ADAMTS18: variants seen among roughly 807,000 people sequenced by gnomAD.
ADAMTS18 encodes ADAM metallopeptidase with thrombospondin type 1 motif 18, also known as A disintegrin and metalloproteinase with thrombospondin motifs 18.
ADAMTS18 carries 157 observed loss-of-function variants against 165.9 expected under a neutral mutation model. That is an observed-to-expected ratio of 0.95 (90% CI 0.83 to 1.08). The LOEUF is 1.08. Ranked by LOEUF, ADAMTS18 falls within the 50% of genes least tolerant of loss-of-function variation. The pLI, the probability that ADAMTS18 is intolerant of heterozygous loss-of-function variation, is 0.00. For missense variants in ADAMTS18, 2,040 were observed against 1,534.0 expected, an observed-to-expected ratio of 1.33 and a Z score of -5.51; for synonymous variants, 782 against 578.2, an observed-to-expected ratio of 1.35 and a Z score of -5.06.
chr16:77,320,953 A>C, intron 15 of ADAMTS18, 126 bp downstream of exon 15: 2 of 1,222,042 alleles, frequency 1.6e-6, no homozygotes, highest in Non-Finnish European at 2.4e-6. Context: ...CACAAGTGAA[A>C]AATGCCACCA....
At chr16:77,423,017 T>C (rs2057623770) in intron 3 of ADAMTS18, among the ~76,000 whole-genome samples, 1 of 152,212 alleles carries the variant, frequency 6.6e-6, no homozygotes, top group African/African-American at 2.4e-5. Flanking sequence ...GAAGCTTTTC[T>C]TTCCTTTATT....
At chr16:77,373,940 A>G (rs941960149) in intron 3 of ADAMTS18, among the ~76,000 whole-genome samples, 8 of 152,078 alleles carry the variant, frequency 5.3e-5, no homozygotes, top group Admixed American at 2.0e-4. Flanking sequence ...TTCTCCAGGC[A>G]GGGCATGGTG....
intron 3 of ADAMTS18, among the ~76,000 whole-genome samples, chr16:77,412,823 A>G (rs967005465): frequency 6.6e-6 from 1 of 152,086 alleles, no homozygotes; most frequent in Non-Finnish European, 1.5e-5. Context: ...CACAACACAT[A>G]GAAATTATGG....
At chr16:77,300,218 T>G in intron 17 of ADAMTS18, 45 bp downstream of exon 17, 1 of 1,612,354 alleles carries the variant, frequency 6.2e-7, no homozygotes. Context: ...AAGAACCTGT[T>G]TTAAGAGAGA....
At chr16:77,305,834 T>C (rs913287327) in intron 16 of ADAMTS18, among the ~76,000 whole-genome samples, 1 of 152,186 alleles carries the variant, frequency 6.6e-6, no homozygotes, top group African/African-American at 2.4e-5. Flanking sequence ...CCACCTAAGA[T>C]GCTAACTTCC....
chr16:77,407,282 G>C (rs10781983), intron 3 of ADAMTS18, among the ~76,000 whole-genome samples: 8 of 151,700 alleles, frequency 5.3e-5, no homozygotes, highest in African/African-American at 1.7e-4. Context: ...AACAATCTAA[G>C]AATGAGCAAG....
At chr16:77,364,889 T>A (rs1014623245) in intron 4 of ADAMTS18, among the ~76,000 whole-genome samples, 1 of 152,058 alleles carries the variant, frequency 6.6e-6, no homozygotes, top group African/African-American at 2.4e-5. Flanking sequence ...GTGGATCACT[T>A]GAGGTCAGGA....
chr16:77,371,674 G>C (rs1256431955), intron 3 of ADAMTS18, among the ~76,000 whole-genome samples: 1 of 152,146 alleles, frequency 6.6e-6, no homozygotes, highest in East Asian at 1.9e-4. Flanking sequence ...ACTACTAGAA[G>C]AAAACATAGG....
intron 22 of ADAMTS18, among the ~76,000 whole-genome samples, chr16:77,285,305 T>C (rs1292725976): frequency 6.6e-6 from 1 of 152,150 alleles, no homozygotes; most frequent in African/African-American, 2.4e-5. Context: ...CCTGGGTAGC[T>C]GGGATTACAG....
At chr16:77,310,224 G>A (rs908853934) in intron 16 of ADAMTS18, among the ~76,000 whole-genome samples, 2 of 152,146 alleles carry the variant, frequency 1.3e-5, no homozygotes, top group African/African-American at 4.8e-5. Flanking sequence ...TTTTATCATT[G>A]GATGTTGTTC....
intron 19 of ADAMTS18, among the ~76,000 whole-genome samples, chr16:77,294,488 T>G (rs1331792404): frequency 4.6e-5 from 7 of 152,236 alleles, no homozygotes; most frequent in African/African-American, 1.7e-4. Flanking sequence ...CACTGGGAAT[T>G]TGTGACCATA....
chr16:77,391,881 T>C (rs1217100425), intron 3 of ADAMTS18, among the ~76,000 whole-genome samples: 3 of 152,198 alleles, frequency 2.0e-5, no homozygotes, highest in Non-Finnish European at 4.4e-5. Context: ...AAGGGATCCA[T>C]CCACATCATG....
rs2056620411 is a variant in ADAMTS18, at chr16:77,355,783, A to ATGTCATCATCACCATCATCAT, written c.1460+136_1460+156dup. 3.9e-5 allele frequency among the ~76,000 whole-genome samples: 6 copies of ATGTCATCATCACCATCATCAT among 152,294 alleles called. No individual in the cohort carries two copies. In the South Asian group the frequency reaches 1.0e-3, roughly 26 times the overall value. On this transcript the variant is annotated intron_variant, in intron 9 of 22. Transcript: ENST00000282849. Reference sequence around the variant, plus strand: ...AGGCTTCAATCTATTTTTTTCAACAATGTCATCATCACCATCATCATTATC... The same window carrying ATGTCATCATCACCATCATCAT: ...AGGCTTCAATCTATTTTTTTCAACAATGTCATCATCACCATCATCATTGTCATCATCACCATCATCATTATC...
chr16:77,298,928 A>G (rs925013991), intron 17 of ADAMTS18, among the ~76,000 whole-genome samples: 2 of 152,236 alleles, frequency 1.3e-5, no homozygotes, highest in Admixed American at 6.5e-5. Context: ...AGGGGTTGCT[A>G]AGGCAGGGCA....
chr16:77,425,288 C>T (rs890650486), intron 3 of ADAMTS18, among the ~76,000 whole-genome samples: 2 of 152,030 alleles, frequency 1.3e-5, no homozygotes, highest in Non-Finnish European at 2.9e-5. Context: ...GAGGGGAAAC[C>T]GAGTGACAAA....
At chr16:77,395,346 G>A (rs1247859430) in intron 3 of ADAMTS18, among the ~76,000 whole-genome samples, 1 of 152,126 alleles carries the variant, frequency 6.6e-6, no homozygotes, top group Non-Finnish European at 1.5e-5. Flanking sequence ...TCTGTTACTT[G>A]GCTTTCTACT....
intron 3 of ADAMTS18, among the ~76,000 whole-genome samples, chr16:77,424,430 T>G (rs574307437): frequency 1.0e-3 from 151 of 150,346 alleles, no homozygotes; most frequent in African/African-American, 3.7e-3. Flanking sequence ...ATCATGCCAT[T>G]GCACTCCAGC....
chr16:77,292,957 C>A (rs1180520873), intron 20 of ADAMTS18, 119 bp downstream of exon 20: 2 of 1,267,702 alleles, frequency 1.6e-6, no homozygotes, highest in African/African-American at 1.5e-5. Flanking sequence ...GTAGATCAGA[C>A]TACAGGCGCC....
intron 11 of ADAMTS18, among the ~76,000 whole-genome samples, chr16:77,337,908 C>CTTTTTTTTTTTTTTTTT (rs10679600): frequency 7.1e-6 from 1 of 140,836 alleles, no homozygotes; most frequent in African/African-American, 2.6e-5. Flanking sequence ...CTTTTCTTTT[C>CTTTTTTTTTTTTTTTTT]TTTTTTTTTT....
Sources: allele counts gnomAD v4.1 joint callset (sites outside exome capture counted in the v4.1 genomes callset), GRCh38; gene constraint gnomAD v4.1.1; transcripts MANE v1.5; gene names NCBI Gene and HGNC (gene_info 2026-07-23, HGNC 2026-07-21).